Variants in CDH2 observed in about 807,000 individuals in gnomAD.
The protein encoded by CDH2 is cadherin 2, also known as cadherin-2.
In CDH2, 17 loss-of-function variants were observed where a neutral mutation model predicts 92.0. That is an observed-to-expected ratio of 0.18 (90% CI 0.13 to 0.28). The LOEUF (loss-of-function observed/expected upper bound fraction) is 0.28, where lower values mean the gene tolerates loss of function less well. CDH2 is among the 10% of genes least tolerant of loss of function. The pLI, the probability that CDH2 is intolerant of heterozygous loss-of-function variation, is 1.00. For synonymous variants in CDH2, 419 were observed against 415.9 expected (o/e 1.01, Z -0.09); for missense variants, 862 against 1,133.1 (o/e 0.76, Z 3.44).
intron 6 of CDH2, among the ~76,000 whole-genome samples, chr18:27,934,929 C>T (rs1908983002): frequency 6.6e-6 from 1 of 152,202 alleles, no homozygotes; most frequent in Admixed American, 6.5e-5. Flanking sequence ...CTTTAGCATA[C>T]TACACAGGTC....
At chr18:28,074,964 T>G (rs2014691589) in intron 2 of CDH2, among the ~76,000 whole-genome samples, 1 of 152,152 alleles carries the variant, frequency 6.6e-6, no homozygotes, top group South Asian at 2.1e-4. Context: ...TATTTGAGAT[T>G]CTGGACATTC....
chr18:27,990,462 A>C (rs538281217), intron 9 of CDH2, 112 bp from the exon 10 acceptor site: 3 of 948,202 alleles, frequency 3.2e-6, no homozygotes, highest in Admixed American at 5.3e-5. Context: ...CATTCACTAC[A>C]TAACAAGGTT....
intron 14 of CDH2, among the ~76,000 whole-genome samples, chr18:27,970,525 T>C (rs1418898547): frequency 6.6e-6 from 1 of 152,248 alleles, no homozygotes; most frequent in Non-Finnish European, 1.5e-5. Flanking sequence ...TGTTTTAGGA[T>C]AAATGTACAC....
chr18:27,998,275 AGCACTATGTGCCCAGCACAGTGCTAT>A (rs2012652230), intron 7 of CDH2, among the ~76,000 whole-genome samples: 1 of 152,226 alleles, frequency 6.6e-6, no homozygotes, highest in South Asian at 2.1e-4. Context: ...ATTGAGTTTG[AGCACTATGTGCCCAGCACAGTGCTAT>A]GCACTATGCA....
At chr18:28,046,505 A>G (rs1429919940) in intron 2 of CDH2, among the ~76,000 whole-genome samples, 1 of 152,222 alleles carries the variant, frequency 6.6e-6, no homozygotes, top group Non-Finnish European at 1.5e-5. Flanking sequence ...TGGGTGGGAA[A>G]GAATATAAAC....
At chr18:28,029,188 C>T (rs1435232489) in intron 2 of CDH2, among the ~76,000 whole-genome samples, 1 of 152,046 alleles carries the variant, frequency 6.6e-6, no homozygotes, top group Admixed American at 6.6e-5. Flanking sequence ...TCAACTCACT[C>T]AGGTCTAACA....
chr18:27,988,721 T>A (rs1203472009), intron 10 of CDH2, 55 bp from the exon 11 acceptor site: 1 of 1,346,758 alleles, frequency 7.4e-7, no homozygotes, highest in Non-Finnish European at 1.0e-6. Flanking sequence ...AAAAAACATA[T>A]TTTACAGGTT....
intron 1 of CDH2, among the ~76,000 whole-genome samples, chr18:28,155,207 C>T (rs1163169586): frequency 6.6e-6 from 1 of 152,120 alleles, no homozygotes; most frequent in Non-Finnish European, 1.5e-5. Flanking sequence ...CAGCCTCCAC[C>T]ATCTACTACC....
chr18:27,952,655 G>C (rs536092812), intron 15 of CDH2, among the ~76,000 whole-genome samples: 17 of 152,244 alleles, frequency 1.1e-4, no homozygotes, highest in African/African-American at 4.1e-4. Context: ...TGGCAGAAAT[G>C]AATGGCCCTG....
chr18:28,144,228 A>G (rs1230683444), intron 2 of CDH2, among the ~76,000 whole-genome samples: 1 of 151,992 alleles, frequency 6.6e-6, no homozygotes, highest in Non-Finnish European at 1.5e-5. Flanking sequence ...TAATTTGCTT[A>G]TTTTTAAAAT....
At chr18:28,122,296 CCCT>C (rs1421620960) in intron 2 of CDH2, among the ~76,000 whole-genome samples, 10 of 152,062 alleles carry the variant, frequency 6.6e-5, no homozygotes, top group African/African-American at 2.4e-4. Context: ...CAAACAACCC[CCCT>C]TTTTAATGAA....
At chr18:28,109,072 A>T (rs1379272250) in intron 2 of CDH2, among the ~76,000 whole-genome samples, 2 of 152,174 alleles carry the variant, frequency 1.3e-5, no homozygotes, top group Non-Finnish European at 2.9e-5. Context: ...CCACCATGCC[A>T]TGGGAGAATA....
At chr18:27,942,611 G>GT (rs1028719286) in intron 6 of CDH2, among the ~76,000 whole-genome samples, 25 of 152,118 alleles carry the variant, frequency 1.6e-4, no homozygotes, top group Non-Finnish European at 2.9e-5. Flanking sequence ...AAAAACAAAT[G>GT]TTTTTTATCC....
At chr18:27,964,004 T>A (rs1158745987) in intron 14 of CDH2, among the ~76,000 whole-genome samples, 1 of 152,302 alleles carries the variant, frequency 6.6e-6, no homozygotes, top group East Asian at 1.9e-4. Flanking sequence ...AAAACTATGA[T>A]CTCTGGGCCC....
At chr18:28,116,304 T>G (rs1055289007) in intron 2 of CDH2, among the ~76,000 whole-genome samples, 26 of 152,182 alleles carry the variant, frequency 1.7e-4, no homozygotes, top group Non-Finnish European at 2.8e-4. Flanking sequence ...GCAAGATAGT[T>G]TAATAATCAA....
intron 2 of CDH2, among the ~76,000 whole-genome samples, chr18:28,077,890 CAAAAAAAAAAAAAA>C (rs71171659): frequency 3.0e-5 from 2 of 67,314 alleles, no homozygotes; most frequent in Admixed American, 2.2e-4. Flanking sequence ...GACCCTGTCT[CAAAAAAAAAAAAAA>C]AAAAAAAAAA....
chr18:28,061,802 A>G (rs1375801460), intron 2 of CDH2, among the ~76,000 whole-genome samples: 1 of 152,212 alleles, frequency 6.6e-6, no homozygotes, highest in Non-Finnish European at 1.5e-5. Flanking sequence ...CAGGCAAGAT[A>G]GCATGTGCAG....
At position 28,005,881 on chromosome 18, in the gene CDH2, C is replaced by T; in HGVS notation, c.815G>A (p.Trp272Ter). The T allele has an allele frequency of 6.2e-7, 1 of 1,613,418 alleles. No homozygotes were observed. Among genetic ancestry groups the T allele is most frequent in the Non-Finnish European group, 8.5e-7 (1 of 1,179,452 alleles). Residue 272 changes from tryptophan (W) to a stop codon, truncating the protein, a stop_gained, in exon 6 of 16, where the codon TGG (tryptophan) becomes TAG (stop). Coordinates refer to ENST00000269141, the MANE Select transcript of CDH2 (RefSeq NM_001792.5). LOFTEE classifies it high-confidence loss of function. ...TGATCCCTCAGGAACTGTCCCATTCCAAACCTGGTGTAAGAACTCAGGTCT... is the reference window on the plus strand; with the variant it reads ...TGATCCCTCAGGAACTGTCCCATTCTAAACCTGGTGTAAGAACTCAGGTCT... ...DNRPEFLHQVWNGTVPEGSKP... is the reference protein window; with the variant it reads ...DNRPEFLHQV
intron 10 of CDH2, 140 bp from the exon 11 acceptor site, chr18:27,988,806 A>G (rs1023897517): frequency 3.5e-5 from 23 of 656,604 alleles, no homozygotes; most frequent in Admixed American, 1.4e-4. Flanking sequence ...TAACAGGAAA[A>G]AGTATTTTTG....
Sources: allele counts gnomAD v4.1 joint callset (sites outside exome capture counted in the v4.1 genomes callset), GRCh38; gene constraint gnomAD v4.1.1; transcripts MANE v1.5; gene names NCBI Gene and HGNC (gene_info 2026-07-23, HGNC 2026-07-21).